The following PRKN variants were observed in gnomAD, a reference collection of about 807,000 sequenced individuals.
The protein encoded by PRKN is E3 ubiquitin-protein ligase parkin.
PRKN carries 56 observed loss-of-function variants against 59.5 expected under a neutral mutation model. The ratio of observed to expected loss-of-function variants is 0.94; its 90% CI spans 0.76 to 1.18. The LOEUF (loss-of-function observed/expected upper bound fraction) is 1.18. Ranked by LOEUF, PRKN falls within the 50% of genes most tolerant of loss-of-function variation. The pLI is 0.00. For synonymous variants in PRKN, 250 were observed against 222.1 expected, an observed-to-expected ratio of 1.13 and a Z score of -1.12; for missense variants, 657 against 596.4, an observed-to-expected ratio of 1.10 and a Z score of -1.06.
intron 1 of PRKN, among the ~76,000 whole-genome samples, chr6:162,552,146 C>A (rs896918127): frequency 6.6e-6 from 1 of 152,092 alleles, no homozygotes; most frequent in Non-Finnish European, 1.5e-5. Context: ...TACACAAATC[C>A]GGCTTGTTGC....
chr6:162,562,414 C>T (rs1779881165), intron 1 of PRKN, among the ~76,000 whole-genome samples: 1 of 152,152 alleles, frequency 6.6e-6, no homozygotes, highest in South Asian at 2.1e-4. Context: ...AGTTCCAGGA[C>T]TTGACCCTTG....
chr6:162,571,919 A>C (rs1780345391), intron 1 of PRKN, among the ~76,000 whole-genome samples: 1 of 152,194 alleles, frequency 6.6e-6, no homozygotes. Context: ...AGACCAATAC[A>C]TTCAAAAGCA....
intron 6 of PRKN, among the ~76,000 whole-genome samples, chr6:161,821,220 A>G (rs529026603): frequency 7.9e-5 from 12 of 152,200 alleles, no homozygotes; most frequent in African/African-American, 2.9e-4. Flanking sequence ...CCACCAACAT[A>G]CCCACTGATA....
At position 161,506,579 on chromosome 6, in the gene PRKN, A is replaced by T. The variant is rs188334590; in HGVS notation, c.1083+42275T>A. Among the ~76,000 whole-genome samples the T allele has an allele frequency of 2.6e-5, 4 of 152,298 alleles. No homozygotes were observed. The East Asian group carries it at 7.7e-4, about 29-fold the overall frequency. The stretch of plus-strand genomic sequence containing the variant: ...GAATTCATCAACAAATGCTGATTGA[A>T]TGACTGCTCTGGGCTGGTCAAAAAG... On this transcript the variant is annotated intron_variant, in intron 9 of 11. Transcript: ENST00000366898.
At chr6:162,429,474 C>T (rs1249412829) in intron 2 of PRKN, among the ~76,000 whole-genome samples, 1 of 152,122 alleles carries the variant, frequency 6.6e-6, no homozygotes, top group East Asian at 1.9e-4. Context: ...GGGAGTCCTG[C>T]ACCACAGCCT....
rs117274604 is a variant in PRKN at position 161,366,801 on chromosome 6, C to T, written c.1168-6596G>A. Among the ~76,000 whole-genome samples the T allele has an allele frequency of 8.9e-3, 1,347 of 152,144 alleles. 4 individuals carry two copies. Among genetic ancestry groups the T allele is most frequent in the Non-Finnish European group, 0.014 (961 of 68,012 alleles). On this transcript the variant is annotated intron_variant, in intron 10 of 11. Coordinates refer to ENST00000366898, the MANE Select transcript of PRKN (RefSeq NM_004562.3). ...TCTGTACCTGACTTCCGATTTCTGT[C>T]CATCACTTCCCTTTTTGTCTATAAA...
intron 6 of PRKN, among the ~76,000 whole-genome samples, chr6:161,851,566 C>T (rs530954538): frequency 2.0e-4 from 30 of 151,788 alleles, no homozygotes; most frequent in African/African-American, 6.8e-4. Context: ...ACTGCAATCT[C>T]GGCCTGATGG....
chr6:162,081,519 C>T (rs1012202134), intron 4 of PRKN, among the ~76,000 whole-genome samples: 2 of 151,976 alleles, frequency 1.3e-5, no homozygotes, highest in African/African-American at 2.4e-5. Context: ...TGTTTTTTCC[C>T]GAGCAGTGGG....
intron 4 of PRKN, among the ~76,000 whole-genome samples, chr6:162,120,908 G>C (rs900755845): frequency 6.6e-6 from 1 of 152,188 alleles, no homozygotes; most frequent in African/African-American, 2.4e-5. Flanking sequence ...TGGACTTAGA[G>C]AATAATTGTG....
chr6:162,502,213 T>C (rs1362794377), intron 1 of PRKN, among the ~76,000 whole-genome samples: 1 of 152,038 alleles, frequency 6.6e-6, no homozygotes, highest in Non-Finnish European at 1.5e-5. Context: ...CAAGCTGGAG[T>C]CCAGTGGTGC....
intron 7 of PRKN, among the ~76,000 whole-genome samples, chr6:161,680,505 A>G (rs564434453): frequency 6.6e-6 from 1 of 152,078 alleles, no homozygotes; most frequent in East Asian, 1.9e-4. Flanking sequence ...GAATAAGGTA[A>G]CATTTTGATT....
intron 7 of PRKN, among the ~76,000 whole-genome samples, chr6:161,780,032 C>G (rs1380455231): frequency 6.6e-6 from 1 of 152,126 alleles, no homozygotes; most frequent in African/African-American, 2.4e-5. Context: ...ACCAAAATAA[C>G]AAAAGCCAGT....
intron 7 of PRKN, among the ~76,000 whole-genome samples, chr6:161,761,784 G>A (rs1316872332): frequency 6.6e-6 from 1 of 152,224 alleles, no homozygotes; most frequent in African/African-American, 2.4e-5. Context: ...ATTTCCTGAG[G>A]AGGTTGGCAC....
chr6:161,989,014 G>A (rs1423059431), intron 5 of PRKN, among the ~76,000 whole-genome samples: 1 of 152,104 alleles, frequency 6.6e-6, no homozygotes, highest in African/African-American at 2.4e-5. Context: ...ATGTATACAT[G>A]TGCCATGTTG....
intron 5 of PRKN, among the ~76,000 whole-genome samples, chr6:161,987,652 T>G (rs996235985): frequency 6.6e-6 from 1 of 152,236 alleles, no homozygotes; most frequent in African/African-American, 2.4e-5. Context: ...TTTGTTTTTA[T>G]TTTTGAATAT....
At chr6:162,357,914 G>A (rs539413933) in intron 2 of PRKN, among the ~76,000 whole-genome samples, 8 of 152,288 alleles carry the variant, frequency 5.3e-5, no homozygotes, top group Non-Finnish European at 1.2e-4. Flanking sequence ...AGGGGAAGGA[G>A]GGAGAGATGA....
intron 4 of PRKN, among the ~76,000 whole-genome samples, chr6:162,114,379 C>G (rs1780576335): frequency 6.6e-6 from 1 of 151,480 alleles, no homozygotes; most frequent in Admixed American, 6.6e-5. Context: ...TTTGTATCCT[C>G]TTTTATTTCC....
rs1336812490 is a variant in PRKN at position 161,497,658 on chromosome 6, G to T, written c.1083+51196C>A. Among the ~76,000 whole-genome samples the T allele has an allele frequency of 1.3e-5, 2 of 151,104 alleles. No homozygotes were observed. The highest frequency in any genetic ancestry group is 2.4e-5 in the African/African-American group (1 of 40,946). On this transcript the variant is annotated intron_variant, in intron 9 of 11. Transcript: ENST00000366898. This position sits in a 1 kb window ranked among gnomAD's most constrained non-coding sequence, Gnocchi z 4.6. The stretch of plus-strand genomic sequence containing the variant: ...CAAAGTATTTTCAGCTGCTCTTCTC[G>T]CTCCTTTCCCTTTCAATTCAGAAGG...
intron 7 of PRKN, among the ~76,000 whole-genome samples, chr6:161,590,141 C>A (rs1217244040): frequency 1.3e-5 from 2 of 152,036 alleles, no homozygotes; most frequent in Non-Finnish European, 2.9e-5. Context: ...ATATATTTTA[C>A]ATCTAATTAA....
Sources: allele counts gnomAD v4.1 joint callset (sites outside exome capture counted in the v4.1 genomes callset), GRCh38; gene constraint gnomAD v4.1.1; non-coding constraint Gnocchi (gnomAD v3.1); transcripts MANE v1.5; gene names NCBI Gene and HGNC (gene_info 2026-07-23, HGNC 2026-07-21).